The following COQ7 variants were observed in gnomAD, a reference collection of about 807,000 sequenced individuals.
COQ7 encodes coenzyme Q7, hydroxylase.
Under a neutral mutation model 25.0 loss-of-function variants are expected in COQ7, and 21 were observed. That is an observed-to-expected ratio of 0.84 (90% CI 0.60 to 1.21). The LOEUF is 1.21. COQ7 is among the 50% of genes most tolerant of loss of function. The pLI is 0.00. For synonymous variants in COQ7, 125 were observed against 112.4 expected (o/e 1.11, Z -0.71); for missense variants, 311 against 296.2 (o/e 1.05, Z -0.37).
In COQ7 at chr16:19,075,295, C is replaced by T. The variant is rs140444271; in HGVS notation, c.368-426C>T. 2.4e-3 allele frequency among the ~76,000 whole-genome samples: 369 copies of T among 151,524 alleles called. 5 individuals are homozygous for T. In the East Asian group the frequency reaches 0.058, roughly 24 times the overall value. On this transcript the variant is annotated intron_variant, in intron 3 of 5. Coordinates refer to ENST00000321998, the MANE Select transcript of COQ7 (RefSeq NM_016138.5). ...TTGGCTCACTGCAACCTCCACCTCC[C>T]GGCTTCAAGCGATTTTCCTGCCTCA...
At chr16:19,074,291 C>T (rs941532960) in intron 3 of COQ7, among the ~76,000 whole-genome samples, 81 of 151,592 alleles carry the variant, frequency 5.3e-4, no homozygotes, top group African/African-American at 1.8e-3. Context: ...TTTGGGAGGC[C>T]GAGGCGGGCA....
At chr16:19,075,690 T>TA in intron 3 of COQ7, 31 bp from the exon 4 acceptor site, 1 of 1,536,228 alleles carries the variant, frequency 6.5e-7, no homozygotes, top group Non-Finnish European at 8.7e-7. Flanking sequence ...ATCTGTCTCT[T>TA]ACTTTTCTGG....
At chr16:19,074,805 G>A (rs77047007) in intron 3 of COQ7, among the ~76,000 whole-genome samples, 21,307 of 151,958 alleles carry the variant, frequency 0.14, 1,582 homozygotes, top group South Asian at 0.19. Flanking sequence ...TGGCCTCCCC[G>A]AAGTGCTAGG....
At chr16:19,077,159 C>A in intron 4 of COQ7, 147 bp from the exon 5 acceptor site, 1 of 631,946 alleles carries the variant, frequency 1.6e-6, no homozygotes, top group African/African-American at 1.8e-5. Flanking sequence ...TGGGTAGTTG[C>A]AACAAAGTAT....
downstream of COQ7, among the ~76,000 whole-genome samples, chr16:19,080,488 A>T (rs1254571112): frequency 2.0e-5 from 3 of 152,098 alleles, no homozygotes; most frequent in Non-Finnish European, 4.4e-5. Context: ...AGTGTTTTAA[A>T]CCTTTAATAT....
Position 19,076,474 on chromosome 16 carries a change from C to G in COQ7, c.507+614C>G, listed in dbSNP as rs72777499. Among the ~76,000 whole-genome samples, 6 of 151,292 alleles carry G rather than the reference C, an allele frequency of 4.0e-5. No homozygotes were observed. The South Asian group carries it at 1.0e-3, about 26-fold the overall frequency. ...AAAATTTTTTGTAGGCACAGTCTCT[C>G]TCTATGTTGTCCAGATTGGTCTTGA... On this transcript the variant is annotated intron_variant, in intron 4 of 5. Coordinates refer to ENST00000321998, the MANE Select transcript of COQ7 (RefSeq NM_016138.5).
chr16:19,073,005 T>C (rs1436052906), intron 2 of COQ7, among the ~76,000 whole-genome samples: 1 of 151,966 alleles, frequency 6.6e-6, no homozygotes, highest in Non-Finnish European at 1.5e-5. Flanking sequence ...ACTCCGTCTC[T>C]ACGAAAAATA....
intron 1 of COQ7, chr16:19,067,951 C>A: frequency 2.1e-6 from 3 of 1,435,396 alleles, no homozygotes; most frequent in Admixed American, 3.0e-5. Flanking sequence ...GGGGTTGTTT[C>A]GGCAGTGACG....
At chr16:19,076,314 T>C (rs1962837405) in intron 4 of COQ7, among the ~76,000 whole-genome samples, 1 of 150,264 alleles carries the variant, frequency 6.7e-6, no homozygotes, top group Non-Finnish European at 1.5e-5. Context: ...AGGCTGGTCT[T>C]GAATTTCTGA....
At chr16:19,067,910 T>C in intron 1 of COQ7, 173 bp downstream of exon 1, 1 of 1,485,588 alleles carries the variant, frequency 6.7e-7, no homozygotes, top group South Asian at 1.4e-5. Flanking sequence ...GGGCGGGGTC[T>C]GTAGTTAGCG....
chr16:19,069,538 G>C (rs982053614), intron 1 of COQ7, among the ~76,000 whole-genome samples: 1 of 151,076 alleles, frequency 6.6e-6, no homozygotes, highest in African/African-American at 2.4e-5. Flanking sequence ...AGACTCCCGA[G>C]TAGCTGAGGC....
At chr16:19,072,983 C>A (rs886452957) in intron 2 of COQ7, among the ~76,000 whole-genome samples, 6 of 152,136 alleles carry the variant, frequency 3.9e-5, no homozygotes, top group African/African-American at 1.2e-4. Flanking sequence ...CCAGCTTGGG[C>A]AATGTGATGA....
intron 1 of COQ7, among the ~76,000 whole-genome samples, chr16:19,070,080 G>A (rs564787634): frequency 2.8e-4 from 43 of 152,194 alleles, no homozygotes; most frequent in African/African-American, 9.4e-4. Context: ...CACCACACCC[G>A]GCCTATGCAG....
rs1380247888 is a variant in COQ7, at chr16:19,071,880, A to G, written c.74-48A>G. The stretch of plus-strand genomic sequence containing the variant: ...CCTTTCTGCTGTCTGTAAAAGGAAC[A>G]TCTGGATTTTACCTGATCATAACGA... On this transcript the variant is annotated intron_variant, in intron 1 of 5. Coordinates refer to ENST00000321998, the MANE Select transcript of COQ7 (RefSeq NM_016138.5). 4.4e-6 allele frequency: 7 copies of G among 1,606,570 alleles called. No individual in the cohort carries two copies. The African/African-American group carries it at 8.0e-5, about 18-fold the overall frequency.
rs1419342928 is a variant in COQ7, at chr16:19,075,860, G to C, written c.507G>C (p.Gln169His). 20 of 1,614,094 alleles carry C rather than the reference G, an allele frequency of 1.2e-5. No homozygotes were observed. Among genetic ancestry groups the C allele is most frequent in the East Asian group, 2.2e-5 (1 of 44,892 alleles). The change falls in exon 4 of 6, where the codon CAG (glutamine) becomes CAC (histidine). Residue 169 changes from glutamine (Q) to histidine (H), a missense_variant and splice_region_variant. Gln to His is a conservative substitution (Grantham distance 24). Coordinates refer to ENST00000321998, the MANE Select transcript of COQ7 (RefSeq NM_016138.5). ...CTGAAAAATACGAGGAACTTCTTCA[G>C]GTATTTATCCGTGCTCTAGAACGGG... ...EDPEKYEELL[Q>H]LIKKFRDEEL...
At position 19,078,234 on chromosome 16, in the gene COQ7, A is replaced by G; in HGVS notation, c.*76A>G. On this transcript the variant is annotated 3_prime_UTR_variant, in exon 6 of 6. Coordinates refer to ENST00000321998, the MANE Select transcript of COQ7 (RefSeq NM_016138.5). ...GACATTTGCAGAGAAACAGGTGTACAGTTATCGTTGTACTTTTGTACAATG... is the reference window on the plus strand; with the variant it reads ...GACATTTGCAGAGAAACAGGTGTACGGTTATCGTTGTACTTTTGTACAATG... The G allele has an allele frequency of 9.0e-7, 1 of 1,114,838 alleles. No homozygotes were observed. The highest frequency in any genetic ancestry group is 1.3e-6 in the Non-Finnish European group (1 of 764,486). 69.1% of individuals were successfully genotyped at this position (1,114,838 alleles called of 1,614,324 possible).
rs545131753 is a variant in COQ7, at chr16:19,072,081, G to A, written c.227G>A (p.Arg76Gln). ...IYAGQMAVLG[R>Q]TSVGPVIQKM... ...GCCGGGCAGATGGCTGTCCTGGGTC[G>A]GACCAGCGTCGGGCCAGTCATTCAG... Residue 76 changes from arginine (R) to glutamine (Q), a missense_variant, in exon 2 of 6, where the codon CGG (arginine) becomes CAG (glutamine). By Grantham distance (43) the Arg-to-Gln change is conservative. Coordinates refer to ENST00000321998, the MANE Select transcript of COQ7 (RefSeq NM_016138.5). 1.9e-4 allele frequency: 309 copies of A among 1,614,148 alleles called. No individual in the cohort carries two copies. Among genetic ancestry groups the A allele is most frequent in the Non-Finnish European group, 2.5e-4 (290 of 1,180,034 alleles).
intron 1 of COQ7, chr16:19,068,817 T>A: frequency 2.2e-6 from 1 of 446,286 alleles, no homozygotes; most frequent in Non-Finnish European, 4.5e-6. Flanking sequence ...AAAATTAAAT[T>A]AATTTCCTTG....
At chr16:19,077,284 T>C in intron 4 of COQ7, 22 bp from the exon 5 acceptor site, 1 of 1,611,032 alleles carries the variant, frequency 6.2e-7, no homozygotes, top group Non-Finnish European at 8.5e-7. Flanking sequence ...TAACTTGCTT[T>C]GGTGTCTTTT....
Sources: gnomAD v4.1 joint callset for allele counts (sites outside exome capture counted in the v4.1 genomes callset) on GRCh38, gnomAD v4.1.1 for gene constraint, MANE v1.5 for transcripts, NCBI Gene and HGNC (gene_info 2026-07-23, HGNC 2026-07-21) for gene names.